Variants in LHPP observed in about 807,000 individuals in gnomAD.
The protein encoded by LHPP is phospholysine phosphohistidine inorganic pyrophosphate phosphatase.
LHPP carries 24 observed loss-of-function variants against 30.3 expected under a neutral mutation model. That is an observed-to-expected ratio of 0.79 (90% confidence interval 0.57 to 1.11). The LOEUF is 1.11. Among genes scored for constraint, LHPP ranks in the 50% most tolerant of loss-of-function variants. The pLI is 0.00. For missense variants in LHPP, 356 were observed against 367.2 expected (o/e 0.97, Z 0.25); for synonymous variants, 150 against 157.1 (o/e 0.95, Z 0.34).
chr10:124,588,731 C>T (rs1948838304), intron 6 of LHPP, among the ~76,000 whole-genome samples: 1 of 152,200 alleles, frequency 6.6e-6, no homozygotes, highest in African/African-American at 2.4e-5. Flanking sequence ...TCTGAGGTGA[C>T]AGCAGCTTGC....
rs998651276 is a variant in LHPP at position 124,553,822 on chromosome 10, A to C, written c.716+36551A>C. On this transcript the variant is annotated intron_variant, in intron 6 of 6. Coordinates refer to ENST00000368842, the MANE Select transcript of LHPP (RefSeq NM_022126.4). ...TTGTCACCTTGGGAGCTGCACAGAG[A>C]CCTCCCCCGGGCCAGGCCCCTCCTC... 6.5e-5 allele frequency: 59 copies of C among 901,998 alleles called. 1 individual carries two copies. 55.9% of individuals were successfully genotyped at this position (901,998 alleles called of 1,614,324 possible). A position where few individuals can be genotyped will look rare whatever the true frequency, so the allele number is the denominator to read the frequency against.
chr10:124,529,794 CAT>C (rs753574094), intron 6 of LHPP, among the ~76,000 whole-genome samples: 16,944 of 75,956 alleles, frequency 0.22, 1,621 homozygotes, highest in African/African-American at 0.31. Flanking sequence ...AGCTCATGCA[CAT>C]ACACACACAC....
intron 6 of LHPP, among the ~76,000 whole-genome samples, chr10:124,588,307 T>C (rs1365157590): frequency 6.6e-6 from 1 of 151,910 alleles, no homozygotes; most frequent in Non-Finnish European, 1.5e-5. Context: ...TCTTTTTTTT[T>C]TTAAGACTGA....
rs1948586578 is a variant in LHPP, at chr10:124,571,714, C to CCG, written c.717-41549_717-41548dup. On this transcript the variant is annotated intron_variant, in intron 6 of 6. Coordinates refer to ENST00000368842, the MANE Select transcript of LHPP (RefSeq NM_022126.4). ...TTTTGCTGAGTCTTTTGCTCCCTAACCGTGTTCCCTGGCTGGCCACCCTGC... is the reference window on the plus strand; with the variant it reads ...TTTTGCTGAGTCTTTTGCTCCCTAACCGCGTGTTCCCTGGCTGGCCACCCTGC... Among the ~76,000 whole-genome samples the CCG allele has an allele frequency of 2.0e-5, 3 of 152,298 alleles. No individual in the cohort carries two copies. In the South Asian group the frequency reaches 6.2e-4, roughly 32 times the overall value.
At chr10:124,520,416 G>A (rs2133915450) in intron 6 of LHPP, among the ~76,000 whole-genome samples, 1 of 152,064 alleles carries the variant, frequency 6.6e-6, no homozygotes, top group Non-Finnish European at 1.5e-5. Context: ...GGCCAGGGTG[G>A]GGAGCACGTG....
chr10:124,597,302 CTT>C (rs1948957843), intron 6 of LHPP, among the ~76,000 whole-genome samples: 1 of 152,304 alleles, frequency 6.6e-6, no homozygotes, highest in South Asian at 2.1e-4. Flanking sequence ...TCCTATGAGT[CTT>C]TTCCCTCTGG....
At chr10:124,604,277 C>A (rs947908256) in intron 6 of LHPP, among the ~76,000 whole-genome samples, 2 of 152,150 alleles carry the variant, frequency 1.3e-5, no homozygotes, top group African/African-American at 2.4e-5. Context: ...GGCCACCGAC[C>A]CTCGGGCACC....
At chr10:124,600,625 G>A (rs554058654) in intron 6 of LHPP, among the ~76,000 whole-genome samples, 11 of 152,234 alleles carry the variant, frequency 7.2e-5, no homozygotes, top group Non-Finnish European at 1.0e-4. Context: ...GTGGCCCCTC[G>A]TGCTGGATGG....
At chr10:124,506,660 G>GGATTTCAGGTTGGGGGGTAGGGAA (rs1408992227) in intron 5 of LHPP, among the ~76,000 whole-genome samples, 1 of 134,660 alleles carries the variant, frequency 7.4e-6, no homozygotes, top group African/African-American at 2.7e-5. Context: ...AGGGTAGGGA[G>GGATTTCAGGTTGGGGGGTAGGGAA]GATTTCAGGT....
In LHPP at chr10:124,496,280, G is replaced by A. The variant is rs1034119267; in HGVS notation, c.468-681G>A. On this transcript the variant is annotated intron_variant, in intron 3 of 6. Transcript: ENST00000368842. The surrounding 1 kb of genome is among the most constrained non-coding windows in gnomAD (Gnocchi z 4.3). ...AGTGCCTTGAGGCTCAGTGTGACGCGATCGTAGGGTGAGCCTGGCCGGGCT... is the reference window on the plus strand; with the variant it reads ...AGTGCCTTGAGGCTCAGTGTGACGCAATCGTAGGGTGAGCCTGGCCGGGCT... Among the ~76,000 whole-genome samples, 3 of 152,170 alleles carry A rather than the reference G, an allele frequency of 2.0e-5. No homozygotes were observed. Among genetic ancestry groups the A allele is most frequent in the African/African-American group, 7.2e-5 (3 of 41,440 alleles).
At chr10:124,501,038 G>GT (rs1032792072) in intron 5 of LHPP, among the ~76,000 whole-genome samples, 2 of 152,046 alleles carry the variant, frequency 1.3e-5, no homozygotes, top group African/African-American at 4.8e-5. Flanking sequence ...ACCAAATGTG[G>GT]TATGTCCATA....
intron 5 of LHPP, among the ~76,000 whole-genome samples, chr10:124,500,098 C>T (rs758260478): frequency 2.6e-5 from 4 of 152,136 alleles, no homozygotes; most frequent in Non-Finnish European, 5.9e-5. Context: ...ATGATACAGA[C>T]ACCCCATTAT....
chr10:124,577,720 G>GCA (rs1407295489), intron 6 of LHPP, among the ~76,000 whole-genome samples: 172 of 98,626 alleles, frequency 1.7e-3, no homozygotes, highest in South Asian at 7.2e-3. Context: ...ATGCATATGT[G>GCA]TGCACACATA....
At chr10:124,473,096 G>T (rs1444573858) in intron 1 of LHPP, among the ~76,000 whole-genome samples, 5 of 152,120 alleles carry the variant, frequency 3.3e-5, no homozygotes, top group Non-Finnish European at 5.9e-5. Flanking sequence ...AGCCAGGGTG[G>T]GTCTGGCACA....
chr10:124,462,037 C>G, intron 1 of LHPP, 50 bp downstream of exon 1: 1 of 1,192,242 alleles, frequency 8.4e-7, no homozygotes, highest in South Asian at 4.2e-5. Flanking sequence ...TAAGCTCAGC[C>G]CGCTCCCTGG....
At chr10:124,519,010 C>T (rs1017972679) in intron 6 of LHPP, among the ~76,000 whole-genome samples, 4 of 152,134 alleles carry the variant, frequency 2.6e-5, no homozygotes, top group Non-Finnish European at 5.9e-5. Flanking sequence ...GAGGTGCGAT[C>T]GATCTCAGCT....
At chr10:124,497,287 C>T (rs1441899028) in intron 4 of LHPP, among the ~76,000 whole-genome samples, 1 of 101,026 alleles carries the variant, frequency 9.9e-6, no homozygotes, top group Non-Finnish European at 2.1e-5. Context: ...TCCCCATCCT[C>T]CCCATCCTCC....
intron 2 of LHPP, among the ~76,000 whole-genome samples, chr10:124,486,406 A>G (rs776127990): frequency 1.1e-4 from 17 of 152,236 alleles, no homozygotes; most frequent in Non-Finnish European, 1.9e-4. Flanking sequence ...CCCAGGCTGA[A>G]TGATTCATTA....
chr10:124,488,551 C>A lies in LHPP; in HGVS notation c.443C>A (p.Pro148His). ...CAGGTGCTCATGGAGCTGGAAAAAC[C>A]TGTGCTCATATCACTGGGAAAAGGG... Reference protein sequence around the residue: ...AFQVLMELEKPVLISLGKGRY... With the variant: ...AFQVLMELEKHVLISLGKGRY... The change falls in exon 3 of 7, where the codon CCT (proline) becomes CAT (histidine). Residue 148 changes from proline to histidine, a missense_variant. Transcript: ENST00000368842. 6.2e-7 allele frequency: 1 copy of A among 1,613,374 alleles called. No individual in the cohort carries two copies. Among genetic ancestry groups the A allele is most frequent in the Non-Finnish European group, 8.5e-7 (1 of 1,179,800 alleles).
Sources: allele counts gnomAD v4.1 joint callset (sites outside exome capture counted in the v4.1 genomes callset), GRCh38; gene constraint gnomAD v4.1.1; non-coding constraint Gnocchi (gnomAD v3.1); transcripts MANE v1.5; gene names NCBI Gene and HGNC (gene_info 2026-07-23, HGNC 2026-07-21).